Variants in DSCAM observed in about 807,000 individuals in gnomAD.
DSCAM encodes cell adhesion molecule DSCAM.
A neutral mutation model predicts 217.7 loss-of-function variants in DSCAM; 47 were observed. The observed-to-expected ratio is 0.22, with a 90% CI of 0.17 to 0.28. The LOEUF (loss-of-function observed/expected upper bound fraction) is 0.28, where lower values mean the gene tolerates loss of function less well. Among genes scored for constraint, DSCAM ranks in the 10% least tolerant of loss-of-function variants. The pLI, the probability that DSCAM is intolerant of heterozygous loss-of-function variation, is 1.00. For synonymous variants in DSCAM, 1,056 were observed against 1,015.3 expected (o/e 1.04, Z -0.76); for missense variants, 2,080 against 2,618.3 (o/e 0.79, Z 4.49).
At chr21:40,792,122 T>TCTCCTC (rs141588011) in intron 1 of DSCAM, among the ~76,000 whole-genome samples, 5 of 102,928 alleles carry the variant, frequency 4.9e-5, no homozygotes, top group Non-Finnish European at 9.4e-5. Context: ...GGTGTCCTAA[T>TCTCCTC]CTCTTCTTCT....
chr21:40,227,061 C>T (rs2091339723), intron 11 of DSCAM, among the ~76,000 whole-genome samples: 1 of 152,120 alleles, frequency 6.6e-6, no homozygotes, highest in African/African-American at 2.4e-5. Context: ...CATCCATGTC[C>T]CTGCAAAGGA....
chr21:40,754,294 A>G (rs1166113263), intron 1 of DSCAM, among the ~76,000 whole-genome samples: 1 of 152,094 alleles, frequency 6.6e-6, no homozygotes, highest in Non-Finnish European at 1.5e-5. Flanking sequence ...TAAAACACAC[A>G]ACAGGTGCAA....
intron 1 of DSCAM, among the ~76,000 whole-genome samples, chr21:40,814,309 T>C (rs566133056): frequency 6.6e-6 from 1 of 152,332 alleles, no homozygotes; most frequent in East Asian, 1.9e-4. Flanking sequence ...TTAGTGACAT[T>C]TTTCAATATT....
chr21:40,520,610 C>A (rs905654071), intron 3 of DSCAM, among the ~76,000 whole-genome samples: 1 of 151,968 alleles, frequency 6.6e-6, no homozygotes, highest in African/African-American at 2.4e-5. Flanking sequence ...AGTTCGAGAC[C>A]AGCCTGGCCA....
chr21:40,084,012 G>A lies in DSCAM; in HGVS notation c.4133-6C>T, dbSNP rs1482292592. 6.2e-7 allele frequency: 1 copy of A among 1,606,018 alleles called. No individual in the cohort carries two copies. On this transcript the variant is annotated splice_polypyrimidine_tract_variant and splice_region_variant and intron_variant, in intron 23 of 32. Transcript: ENST00000400454. ...CCGAGGCTGATCTGGTGGAACTGGA[G>A]AGGAAACAGTTTTTAGAAAACAAGA...
intron 3 of DSCAM, among the ~76,000 whole-genome samples, chr21:40,679,987 A>G (rs2090382129): frequency 6.6e-6 from 1 of 152,214 alleles, no homozygotes; most frequent in Non-Finnish European, 1.5e-5. Flanking sequence ...GGATACAAAC[A>G]CTTTAGACAG....
intron 3 of DSCAM, among the ~76,000 whole-genome samples, chr21:40,432,817 A>G (rs921491486): frequency 6.6e-6 from 1 of 152,156 alleles, no homozygotes; most frequent in Non-Finnish European, 1.5e-5. Context: ...CAGGTGAGGA[A>G]ACTGAGGCCC....
At chr21:40,618,093 A>G (rs972188455) in intron 3 of DSCAM, among the ~76,000 whole-genome samples, 1 of 152,158 alleles carries the variant, frequency 6.6e-6, no homozygotes, top group Non-Finnish European at 1.5e-5. Flanking sequence ...GCTGTGCGGG[A>G]CTGATTAAAA....
chr21:40,166,663 A>G (rs939031043), intron 16 of DSCAM, among the ~76,000 whole-genome samples: 1 of 152,226 alleles, frequency 6.6e-6, no homozygotes, highest in African/African-American at 2.4e-5. Context: ...ACTTCCAACA[A>G]ACACTAAAGT....
At chr21:40,485,237 C>CTTTTT (rs59901955) in intron 3 of DSCAM, among the ~76,000 whole-genome samples, 13 of 108,184 alleles carry the variant, frequency 1.2e-4, no homozygotes, top group African/African-American at 1.9e-4. Flanking sequence ...GACTTTCTTT[C>CTTTTT]TTTTTTTTTT....
At chr21:40,234,109 T>C (rs1219731177) in intron 11 of DSCAM, among the ~76,000 whole-genome samples, 1 of 152,226 alleles carries the variant, frequency 6.6e-6, no homozygotes, top group Non-Finnish European at 1.5e-5. Flanking sequence ...GGAACATGGC[T>C]GCATTCTCAG....
chr21:40,702,901 C>T (rs772865439), intron 2 of DSCAM, among the ~76,000 whole-genome samples: 137 of 152,152 alleles, frequency 9.0e-4, no homozygotes, highest in Non-Finnish European at 1.9e-3. Context: ...ATATTACACT[C>T]CCATGTCTTC....
intron 3 of DSCAM, among the ~76,000 whole-genome samples, chr21:40,502,306 T>C (rs552704293): frequency 1.3e-4 from 20 of 152,296 alleles, no homozygotes; most frequent in South Asian, 4.2e-4. Flanking sequence ...ATTTAATAAA[T>C]TAATCAAGAA....
chr21:40,672,270 G>C (rs1037695030), intron 3 of DSCAM, among the ~76,000 whole-genome samples: 2 of 152,050 alleles, frequency 1.3e-5, no homozygotes, highest in East Asian at 3.9e-4. Context: ...GCTCTTGGTG[G>C]TCTTTAGTTT....
chr21:40,081,070 A>T (rs1297581146), intron 24 of DSCAM, among the ~76,000 whole-genome samples: 1 of 152,182 alleles, frequency 6.6e-6, no homozygotes, highest in Non-Finnish European at 1.5e-5. Context: ...TGGGACACTG[A>T]AGTCCAGAGC....
At chr21:40,325,862 T>G (rs2074311650) in intron 8 of DSCAM, among the ~76,000 whole-genome samples, 1 of 152,136 alleles carries the variant, frequency 6.6e-6, no homozygotes, top group Non-Finnish European at 1.5e-5. Flanking sequence ...CAATTATTAG[T>G]GAAGTTAAAT....
chr21:40,795,078 AC>A (rs1255045848), intron 1 of DSCAM, among the ~76,000 whole-genome samples: 1 of 150,498 alleles, frequency 6.6e-6, no homozygotes, highest in Non-Finnish European at 1.5e-5. Context: ...AATTATTTGA[AC>A]CCCTTTTTCC....
intron 6 of DSCAM, among the ~76,000 whole-genome samples, chr21:40,346,206 T>C (rs970756568): frequency 3.3e-5 from 5 of 152,244 alleles, no homozygotes; most frequent in African/African-American, 1.2e-4. Flanking sequence ...CACAAATTGA[T>C]TACTTTCTGC....
intron 3 of DSCAM, among the ~76,000 whole-genome samples, chr21:40,587,317 A>G (rs868751279): frequency 6.6e-6 from 1 of 152,244 alleles, no homozygotes; most frequent in Non-Finnish European, 1.5e-5. Flanking sequence ...TATAACTCAC[A>G]TAATCACATA....
Sources: gnomAD v4.1 joint callset for allele counts (sites outside exome capture counted in the v4.1 genomes callset) on GRCh38, gnomAD v4.1.1 for gene constraint, MANE v1.5 for transcripts, NCBI Gene and HGNC (gene_info 2026-07-23, HGNC 2026-07-21) for gene names.